The following TNFSF8 variants were observed in gnomAD, a reference collection of about 807,000 sequenced individuals.
TNFSF8 encodes tumor necrosis factor ligand superfamily member 8.
A neutral mutation model predicts 22.0 loss-of-function variants in TNFSF8; 4 were observed. The observed-to-expected ratio is 0.18, with a 90% CI of 0.09 to 0.42. The LOEUF is 0.42. Ranked by LOEUF, TNFSF8 falls within the 10% of genes least tolerant of loss-of-function variation. TNFSF8 has a pLI of 1.00. For missense variants in TNFSF8, 233 were observed against 281.8 expected (o/e 0.83, Z 1.24); for synonymous variants, 106 against 112.5 (o/e 0.94, Z 0.37).
chr9:114,930,252 T>C lies in TNFSF8; in HGVS notation c.52A>G (p.Thr18Ala). 1.2e-6 allele frequency: 2 copies of C among 1,605,920 alleles called. No homozygotes were observed. The highest frequency in any genetic ancestry group is 1.7e-6 in the Non-Finnish European group (2 of 1,176,080). ...GAGCCCGCCGGCACATGCATGGCTGTGTCTCCAGGAGGGGCCATTCCGTTG... is the reference window on the plus strand; with the variant it reads ...GAGCCCGCCGGCACATGCATGGCTGCGTCTCCAGGAGGGGCCATTCCGTTG... ...ALNGMAPPGD[T>A]AMHVPAGSVA... The change falls in exon 1 of 4, where the codon ACA becomes GCA. Residue 18 changes from threonine to alanine, a missense_variant. By Grantham distance (58) the Thr-to-Ala change is moderately conservative. Coordinates refer to ENST00000223795, the MANE Select transcript of TNFSF8 (RefSeq NM_001244.4).
At chr9:114,894,245 CCA>C in intron 4 of TNFSF8, 1 of 1,248,582 alleles carries the variant, frequency 8.0e-7, no homozygotes, top group Non-Finnish European at 1.1e-6. Flanking sequence ...ACTCAGAAGC[CCA>C]CAGTTTAGCA....
chr9:114,901,521 C>T lies in TNFSF8; in HGVS notation c.*2410G>A. On this transcript the variant is annotated 3_prime_UTR_variant, in exon 4 of 4. Transcript: ENST00000223795. ...TTTCTCGAGTTAGAATGTGAGATGGCAAAAAAATTGCTTAGTTAACACACA... is the reference window on the plus strand; with the variant it reads ...TTTCTCGAGTTAGAATGTGAGATGGTAAAAAAATTGCTTAGTTAACACACA... 1 of 985,116 alleles carries T rather than the reference C, an allele frequency of 1.0e-6. No homozygotes were observed. Among genetic ancestry groups the T allele is most frequent in the Non-Finnish European group, 1.2e-6 (1 of 829,704 alleles). The allele number at this position is 985,116 out of a possible 1,614,324, so 61.0% of individuals were successfully genotyped here. A position where few individuals can be genotyped will look rare whatever the true frequency, so the allele number is the denominator to read the frequency against.
At chr9:114,908,198 C>G (rs546863653) in intron 2 of TNFSF8, among the ~76,000 whole-genome samples, 1 of 152,330 alleles carries the variant, frequency 6.6e-6, no homozygotes, top group Non-Finnish European at 1.5e-5. Flanking sequence ...TGTTTATAAA[C>G]CCCCACTGCC....
chr9:114,918,119 G>A lies in TNFSF8; in HGVS notation c.215C>T (p.Pro72Leu). Residue 72 changes from proline to leucine, a missense_variant, in exon 2 of 4, where the codon CCT becomes CTT. By Grantham distance (98) the Pro-to-Leu change is moderately conservative. Coordinates refer to ENST00000223795, the MANE Select transcript of TNFSF8 (RefSeq NM_001244.4). Reference sequence around the variant, plus strand: ...ACCTCCTTTGAGGGGGACGTTGTCAGGTGAGTTGGGAATGGAGTCCTGGAA... The same window carrying A: ...ACCTCCTTTGAGGGGGACGTTGTCAAGTGAGTTGGGAATGGAGTCCTGGAA... Reference protein sequence around the residue: ...VQRTDSIPNSPDNVPLKGGNC... With the variant: ...VQRTDSIPNSLDNVPLKGGNC... 2 of 1,607,794 alleles carry A rather than the reference G, an allele frequency of 1.2e-6. No individual in the cohort carries two copies. Among genetic ancestry groups the A allele is most frequent in the East Asian group, 2.2e-5 (1 of 44,538 alleles).
At chr9:114,910,254 G>C (rs762334238) in intron 2 of TNFSF8, among the ~76,000 whole-genome samples, 2 of 152,202 alleles carry the variant, frequency 1.3e-5, no homozygotes, top group Admixed American at 6.5e-5. Flanking sequence ...GAGGTTGCTC[G>C]AGGTGGTGAA....
chr9:114,894,873 C>T (rs1827641328), intron 4 of TNFSF8, among the ~76,000 whole-genome samples: 1 of 152,180 alleles, frequency 6.6e-6, no homozygotes, highest in Non-Finnish European at 1.5e-5. Context: ...AAGCCTCCTT[C>T]AGTGTTTTCT....
Position 114,903,940 on chromosome 9 carries a change from A to G in TNFSF8, c.696T>C (p.Asn232=). Reference sequence around the variant, plus strand: ...GGCCAAGAGAAACTGTTCAGTCTGAATTACTGTATAAGAAGATGGACAACA... The same window carrying G: ...GGCCAAGAGAAACTGTTCAGTCTGAGTTACTGTATAAGAAGATGGACAACA... ...ENVLSIFLYS[N]SD Residue 232 remains asparagine, a synonymous_variant, in exon 4 of 4, where the codon AAT becomes AAC. Coordinates refer to ENST00000223795, the MANE Select transcript of TNFSF8 (RefSeq NM_001244.4). 6.2e-7 allele frequency: 1 copy of G among 1,610,604 alleles called. No homozygotes were observed. Among genetic ancestry groups the G allele is most frequent in the Non-Finnish European group, 8.5e-7 (1 of 1,177,816 alleles).
chr9:114,893,964 C>A, exon 5 of TNFSF8: 1 of 816,668 alleles, frequency 1.2e-6, no homozygotes, highest in Non-Finnish European at 2.0e-6. Flanking sequence ...CGTTTCCTGG[C>A]TATGTCGGTT....
rs549993943 is a variant in TNFSF8 at position 114,917,111 on chromosome 9, C to T, written c.238+985G>A. ...ATGGGCAAGGGAAACTTGAAGGACA[C>T]TCCAAGTGTGATGCTGTGAGTGTGA... On this transcript the variant is annotated intron_variant, in intron 2 of 3. Transcript: ENST00000223795. Among the ~76,000 whole-genome samples, 8 of 152,316 alleles carry T rather than the reference C, an allele frequency of 5.3e-5. No individual in the cohort carries two copies. The South Asian group carries it at 1.7e-3, about 32-fold the overall frequency.
chr9:114,918,864 G>T (rs961150468), intron 1 of TNFSF8, among the ~76,000 whole-genome samples: 3 of 152,196 alleles, frequency 2.0e-5, no homozygotes, highest in African/African-American at 7.2e-5. Flanking sequence ...CTCCCAAAGT[G>T]CTGGGATTAC....
intron 2 of TNFSF8, among the ~76,000 whole-genome samples, chr9:114,912,470 A>T (rs1483182774): frequency 2.0e-5 from 3 of 152,174 alleles, no homozygotes; most frequent in Non-Finnish European, 4.4e-5. Flanking sequence ...GCTCACTGCA[A>T]TCTCCGCCTC....
downstream of TNFSF8, among the ~76,000 whole-genome samples, chr9:114,898,111 T>G (rs1002057339): frequency 6.6e-6 from 1 of 151,894 alleles, no homozygotes; most frequent in African/African-American, 2.4e-5. Context: ...CACACAATTC[T>G]CCTGCCTCAG....
At chr9:114,899,370 C>T (rs1278927728), downstream of TNFSF8, among the ~76,000 whole-genome samples, 8 of 140,744 alleles carry the variant, frequency 5.7e-5, no homozygotes, top group Non-Finnish European at 9.1e-5. Context: ...TCTTAGTCCT[C>T]GTTGGCAACA....
chr9:114,910,752 G>A (rs1454832088), intron 2 of TNFSF8, among the ~76,000 whole-genome samples: 1 of 152,180 alleles, frequency 6.6e-6, no homozygotes, highest in Non-Finnish European at 1.5e-5. Context: ...CTCTACCATG[G>A]CAAAACAGAC....
At position 114,901,698 on chromosome 9, in the gene TNFSF8, A is replaced by G. The variant is rs1446264579; in HGVS notation, c.*2233T>C. ...TCTGTTTTGTTTTTTACCACAGACC[A>G]TTTGGCTTGCTGAATTCAACACCTC... On this transcript the variant is annotated 3_prime_UTR_variant, in exon 4 of 4. Coordinates refer to ENST00000223795, the MANE Select transcript of TNFSF8 (RefSeq NM_001244.4). 3.0e-6 allele frequency: 3 copies of G among 985,406 alleles called. No homozygotes were observed. Among genetic ancestry groups the G allele is most frequent in the Non-Finnish European group, 2.4e-6 (2 of 829,930 alleles). 61.0% of individuals were successfully genotyped at this position (985,406 alleles called of 1,614,324 possible).
chr9:114,895,711 C>T (rs1007503126), intron 4 of TNFSF8, among the ~76,000 whole-genome samples: 2 of 152,180 alleles, frequency 1.3e-5, no homozygotes, highest in African/African-American at 4.8e-5. Flanking sequence ...TTACAAAGTC[C>T]ATGTGACTTG....
At chr9:114,919,028 T>TA (rs1471275668) in intron 1 of TNFSF8, among the ~76,000 whole-genome samples, 15 of 151,942 alleles carry the variant, frequency 9.9e-5, no homozygotes, top group Admixed American at 9.2e-4. Flanking sequence ...GTGTTTTTTT[T>TA]TTTTCCATGT....
At chr9:114,918,067 C>T (rs563436444) in intron 2 of TNFSF8, 29 bp downstream of exon 2, 18 of 1,581,470 alleles carry the variant, frequency 1.1e-5, no homozygotes, top group Admixed American at 5.7e-5. Context: ...TGACTTACTA[C>T]ACATTTACAC....
chr9:114,900,152 G>A (rs1203432357), downstream of TNFSF8, among the ~76,000 whole-genome samples: 1 of 152,178 alleles, frequency 6.6e-6, no homozygotes, highest in Non-Finnish European at 1.5e-5. Context: ...TCAGAGAATA[G>A]CCTAGTGCCC....
Sources: gnomAD v4.1 joint callset for allele counts (sites outside exome capture counted in the v4.1 genomes callset) on GRCh38, gnomAD v4.1.1 for gene constraint, MANE v1.5 for transcripts, NCBI Gene and HGNC (gene_info 2026-07-23, HGNC 2026-07-21) for gene names.